Variants in PLEKHM3 observed in about 807,000 individuals in gnomAD.
PLEKHM3 encodes the protein pleckstrin homology domain containing M3, also known as pleckstrin homology domain-containing family M member 3.
A neutral mutation model predicts 81.8 loss-of-function variants in PLEKHM3; 45 were observed. That is an observed-to-expected ratio of 0.55 (90% CI 0.43 to 0.71). The LOEUF is 0.71. Ranked by LOEUF, PLEKHM3 falls within the 30% of genes least tolerant of loss-of-function variation. PLEKHM3 has a pLI of 0.00. For missense variants in PLEKHM3, 788 were observed against 924.3 expected (o/e 0.85, Z 1.91); for synonymous variants, 352 against 356.4 (o/e 0.99, Z 0.14).
chr2:207,877,015 A>AT lies in PLEKHM3; in HGVS notation c.1951-15754dup, dbSNP rs1030182974. On this transcript the variant is annotated intron_variant, in intron 6 of 7. Coordinates refer to ENST00000427836, the MANE Select transcript of PLEKHM3 (RefSeq NM_001080475.3). ...AGGAAGTATATTACCCAATCTGAAGATTTTTTACCACTTAGTTTGAGGTCA... is the reference window on the plus strand; with the variant it reads ...AGGAAGTATATTACCCAATCTGAAGATTTTTTTACCACTTAGTTTGAGGTCA... 2.7e-4 allele frequency among the ~76,000 whole-genome samples: 41 copies of AT among 152,292 alleles called. 1 individual carries two copies. Among genetic ancestry groups the AT allele is most frequent in the African/African-American group, 8.9e-4 (37 of 41,572 alleles).
chr2:207,858,180 ATT>A (rs58031514), intron 7 of PLEKHM3, among the ~76,000 whole-genome samples: 7 of 103,846 alleles, frequency 6.7e-5, no homozygotes, highest in African/African-American at 1.5e-4. Context: ...GTGTGTATAT[ATT>A]TTTTTTTTTG....
At chr2:208,025,261 C>T (rs1166884477) in intron 1 of PLEKHM3, 128 bp downstream of exon 1, 1 of 152,310 alleles carries the variant, frequency 6.6e-6, no homozygotes, top group Non-Finnish European at 1.5e-5. Flanking sequence ...TAATAAAAAC[C>T]TGAGCATGCA....
intron 7 of PLEKHM3, among the ~76,000 whole-genome samples, chr2:207,855,087 T>C (rs369209017): frequency 2.6e-5 from 4 of 152,334 alleles, no homozygotes; most frequent in East Asian, 1.9e-4. Context: ...CAGTTTCTAA[T>C]GTTATTCTTT....
intron 6 of PLEKHM3, among the ~76,000 whole-genome samples, chr2:207,905,445 C>A (rs144924504): frequency 2.6e-4 from 39 of 152,344 alleles, no homozygotes; most frequent in African/African-American, 9.1e-4. Context: ...CCACCACATG[C>A]CCTTTCACAA....
chr2:207,924,140 G>C (rs1327776916), intron 5 of PLEKHM3, among the ~76,000 whole-genome samples: 1 of 150,934 alleles, frequency 6.6e-6, no homozygotes, highest in African/African-American at 2.4e-5. Flanking sequence ...CCTGGCCTCA[G>C]GTGATCTGCC....
In PLEKHM3 at chr2:207,932,112, T is replaced by G. The variant is rs554524592; in HGVS notation, c.1693-993A>C. ...TACTGCTTCAGTGACCAGAAAGGAG[T>G]TGCTCTTATTACAACTTTGAACTTC... On this transcript the variant is annotated intron_variant, in intron 4 of 7. Transcript: ENST00000427836. 3.9e-5 allele frequency among the ~76,000 whole-genome samples: 6 copies of G among 152,056 alleles called. No individual in the cohort carries two copies. In the South Asian group the frequency reaches 1.2e-3, roughly 32 times the overall value.
At chr2:207,834,477 G>A (rs1376151563) in intron 7 of PLEKHM3, among the ~76,000 whole-genome samples, 2 of 145,402 alleles carry the variant, frequency 1.4e-5, no homozygotes, top group Non-Finnish European at 3.0e-5. Context: ...TGAGGCTGGA[G>A]TACAATGGCG....
chr2:207,924,704 C>T (rs920115071), intron 5 of PLEKHM3, among the ~76,000 whole-genome samples: 2 of 152,068 alleles, frequency 1.3e-5, no homozygotes, highest in Admixed American at 1.3e-4. Flanking sequence ...CCAAAACAAA[C>T]AAACAAAACA....
At chr2:207,977,632 A>G in intron 2 of PLEKHM3, 46 bp from the exon 3 acceptor site, 1 of 1,507,098 alleles carries the variant, frequency 6.6e-7, no homozygotes, top group Non-Finnish European at 9.0e-7. Flanking sequence ...ATTAGTTATA[A>G]GAAGGCAGGC....
At chr2:207,908,822 G>A (rs555466749) in intron 5 of PLEKHM3, among the ~76,000 whole-genome samples, 26 of 152,196 alleles carry the variant, frequency 1.7e-4, no homozygotes, top group Non-Finnish European at 2.5e-4. Context: ...AGTGCTATAA[G>A]CACTGCGTGG....
At chr2:207,885,213 G>A (rs925190737) in intron 6 of PLEKHM3, among the ~76,000 whole-genome samples, 10 of 152,200 alleles carry the variant, frequency 6.6e-5, no homozygotes, top group Non-Finnish European at 1.2e-4. Flanking sequence ...CAGTGACTAC[G>A]GCAGTGATCC....
chr2:208,013,261 T>C (rs937063616), intron 1 of PLEKHM3, among the ~76,000 whole-genome samples: 43 of 152,320 alleles, frequency 2.8e-4, no homozygotes, highest in African/African-American at 1.0e-3. Flanking sequence ...CTCATGCCTA[T>C]AATCCCAGCA....
In PLEKHM3 at chr2:207,908,312, G is replaced by C. The variant is rs142286236; in HGVS notation, c.1950+202C>G. 3.0e-3 allele frequency among the ~76,000 whole-genome samples: 456 copies of C among 152,254 alleles called. 6 individuals are homozygous for C. The highest frequency in any genetic ancestry group is 0.01 in the African/African-American group (435 of 41,532). Reference sequence around the variant, plus strand: ...CCATCAGCAATGTATAAGAGCCCCAGTTTCTCTGCATCCTTGCCAACATTT... The same window carrying C: ...CCATCAGCAATGTATAAGAGCCCCACTTTCTCTGCATCCTTGCCAACATTT... On this transcript the variant is annotated intron_variant, in intron 6 of 7. Coordinates refer to ENST00000427836, the MANE Select transcript of PLEKHM3 (RefSeq NM_001080475.3).
chr2:207,974,346 G>A (rs1051167398), intron 3 of PLEKHM3, among the ~76,000 whole-genome samples: 1 of 152,116 alleles, frequency 6.6e-6, no homozygotes, highest in African/African-American at 2.4e-5. Context: ...TTCCTCTTGA[G>A]TGTCAGGAAT....
At chr2:207,950,993 A>G (rs1475020172) in intron 3 of PLEKHM3, among the ~76,000 whole-genome samples, 1 of 152,232 alleles carries the variant, frequency 6.6e-6, no homozygotes, top group African/African-American at 2.4e-5. Flanking sequence ...TAGTGGCCTG[A>G]TGTAGATTCA....
chr2:207,924,992 C>T (rs559871767), intron 5 of PLEKHM3, among the ~76,000 whole-genome samples: 171 of 152,194 alleles, frequency 1.1e-3, no homozygotes, highest in African/African-American at 3.9e-3. Flanking sequence ...ACAAGGGCCT[C>T]AGGAAGTCAA....
intron 6 of PLEKHM3, among the ~76,000 whole-genome samples, chr2:207,903,477 T>C (rs554612822): frequency 2.4e-4 from 36 of 152,252 alleles, no homozygotes; most frequent in African/African-American, 7.9e-4. Flanking sequence ...TTAACTTACA[T>C]ATGCCCCCAA....
chr2:207,901,812 G>A lies in PLEKHM3; in HGVS notation c.1950+6702C>T, dbSNP rs138701884. 4.3e-3 allele frequency among the ~76,000 whole-genome samples: 651 copies of A among 152,340 alleles called. 9 individuals are homozygous for A. The highest frequency in any genetic ancestry group is 0.017 in the Middle Eastern group (5 of 294). On this transcript the variant is annotated intron_variant, in intron 6 of 7. Transcript: ENST00000427836. Reference sequence around the variant, plus strand: ...AGCTCATTAATTGGTTGGAAGAGCCGTGGCTAAAATAGTTAACAGAGATTT... The same window carrying A: ...AGCTCATTAATTGGTTGGAAGAGCCATGGCTAAAATAGTTAACAGAGATTT...
chr2:207,967,520 G>A (rs897932040), intron 3 of PLEKHM3, among the ~76,000 whole-genome samples: 7 of 152,068 alleles, frequency 4.6e-5, no homozygotes, highest in African/African-American at 1.4e-4. Flanking sequence ...CTGTCATTCC[G>A]CATATTAGCT....
Sources: gnomAD v4.1 joint callset for allele counts (sites outside exome capture counted in the v4.1 genomes callset) on GRCh38, gnomAD v4.1.1 for gene constraint, MANE v1.5 for transcripts, NCBI Gene and HGNC (gene_info 2026-07-23, HGNC 2026-07-21) for gene names.